TRABD2B: variants seen among roughly 807,000 people sequenced by gnomAD.
TRABD2B encodes the protein metalloprotease TIKI2.
A neutral mutation model predicts 40.1 loss-of-function variants in TRABD2B; 14 were observed. That is an observed-to-expected ratio of 0.35 (90% CI 0.23 to 0.55). The LOEUF (loss-of-function observed/expected upper bound fraction) is 0.55, where lower values mean the gene tolerates loss of function less well. TRABD2B is among the 20% of genes least tolerant of loss of function. The pLI, the probability that TRABD2B is intolerant of heterozygous loss-of-function variation, is 0.90. For synonymous variants in TRABD2B, 263 were observed against 277.0 expected (o/e 0.95, Z 0.50); for missense variants, 541 against 648.6 (o/e 0.83, Z 1.80).
At chr1:47,919,229 A>C (rs935096950) in intron 2 of TRABD2B, among the ~76,000 whole-genome samples, 1 of 152,262 alleles carries the variant, frequency 6.6e-6, no homozygotes, top group Non-Finnish European at 1.5e-5. Context: ...AGGGAAGTAA[A>C]TAAATGTACA....
At chr1:47,901,227 A>C (rs1021854233) in intron 2 of TRABD2B, among the ~76,000 whole-genome samples, 2 of 152,210 alleles carry the variant, frequency 1.3e-5, no homozygotes, top group East Asian at 1.9e-4. Flanking sequence ...AACAATTTGC[A>C]AGAGTCACCA....
intron 2 of TRABD2B, among the ~76,000 whole-genome samples, chr1:47,918,199 G>A (rs1360348225): frequency 6.6e-6 from 1 of 152,198 alleles, no homozygotes; most frequent in Non-Finnish European, 1.5e-5. Flanking sequence ...GAAGGCAAGG[G>A]TTCACCTGTC....
At chr1:47,922,244 GTGGTTACTTGC>G (rs1246602406) in intron 2 of TRABD2B, among the ~76,000 whole-genome samples, 2 of 152,216 alleles carry the variant, frequency 1.3e-5, no homozygotes, top group African/African-American at 4.8e-5. Flanking sequence ...GCCATGGAGA[GTGGTTACTTGC>G]TATCTCTACC....
chr1:47,864,476 A>C (rs58475625), intron 2 of TRABD2B, among the ~76,000 whole-genome samples: 2 of 151,956 alleles, frequency 1.3e-5, no homozygotes, highest in South Asian at 4.1e-4. Context: ...AAAAAAAAAA[A>C]AGTCTTACAA....
chr1:47,908,748 G>T (rs1044064104), intron 2 of TRABD2B, among the ~76,000 whole-genome samples: 29 of 152,360 alleles, frequency 1.9e-4, no homozygotes, highest in Admixed American at 1.5e-3. Flanking sequence ...TCCCATCTGG[G>T]AGGCAGCAGG....
At chr1:47,863,659 CA>C (rs1192967959) in intron 2 of TRABD2B, among the ~76,000 whole-genome samples, 1 of 151,986 alleles carries the variant, frequency 6.6e-6, no homozygotes, top group African/African-American at 2.4e-5. Context: ...TGATGGGAAG[CA>C]AAATGGTACA....
intron 2 of TRABD2B, among the ~76,000 whole-genome samples, chr1:47,853,684 C>T (rs985003842): frequency 2.0e-5 from 3 of 152,172 alleles, no homozygotes; most frequent in African/African-American, 7.2e-5. Flanking sequence ...TCCATCCATC[C>T]ACCTATCCAC....
chr1:47,921,692 T>A (rs1035977615), intron 2 of TRABD2B, among the ~76,000 whole-genome samples: 1 of 152,214 alleles, frequency 6.6e-6, no homozygotes, highest in African/African-American at 2.4e-5. Context: ...GAACTTTTAT[T>A]TACAAAGCAC....
At chr1:47,971,151 T>A (rs1287474484) in intron 2 of TRABD2B, among the ~76,000 whole-genome samples, 1 of 152,178 alleles carries the variant, frequency 6.6e-6, no homozygotes, top group African/African-American at 2.4e-5. Context: ...TAGGTACACA[T>A]CCTACTTTCT....
At chr1:47,905,491 G>A (rs1644663964) in intron 2 of TRABD2B, among the ~76,000 whole-genome samples, 1 of 152,138 alleles carries the variant, frequency 6.6e-6, no homozygotes, top group African/African-American at 2.4e-5. Flanking sequence ...ATCCCACTCA[G>A]CAGAAATAAA....
chr1:47,953,551 C>G (rs112297251), intron 2 of TRABD2B, among the ~76,000 whole-genome samples: 1 of 152,156 alleles, frequency 6.6e-6, no homozygotes, highest in African/African-American at 2.4e-5. Context: ...CTTACAGAGG[C>G]CTCCGGGGCA....
chr1:47,815,958 G>GTAACAAGCATAT, intron 2 of TRABD2B, among the ~76,000 whole-genome samples: 1 of 152,178 alleles, frequency 6.6e-6, no homozygotes, highest in East Asian at 1.9e-4. Context: ...GTTTGTTCTT[G>GTAACAAGCATAT]GTCAGGTGCT....
chr1:47,845,185 C>T (rs111897258), intron 2 of TRABD2B, among the ~76,000 whole-genome samples: 3 of 152,242 alleles, frequency 2.0e-5, no homozygotes, highest in South Asian at 2.1e-4. Flanking sequence ...CTCACCTTCC[C>T]ACCCCTTTTT....
chr1:47,866,944 C>T (rs559462286), intron 2 of TRABD2B, among the ~76,000 whole-genome samples: 3 of 152,330 alleles, frequency 2.0e-5, no homozygotes, highest in Admixed American at 1.3e-4. Context: ...CCTCCATTCT[C>T]AGGCCCTGTC....
intron 2 of TRABD2B, among the ~76,000 whole-genome samples, chr1:47,881,399 C>T (rs1644301980): frequency 6.6e-6 from 1 of 152,144 alleles, no homozygotes; most frequent in Non-Finnish European, 1.5e-5. Flanking sequence ...AGAATAATAC[C>T]AGTTAATGTT....
chr1:47,825,996 GT>G (rs2124428858), intron 2 of TRABD2B, among the ~76,000 whole-genome samples: 1 of 152,316 alleles, frequency 6.6e-6, no homozygotes, highest in East Asian at 1.9e-4. Flanking sequence ...GACCAGGTCT[GT>G]TTCCTCACCA....
chr1:47,897,309 A>T (rs1453921830), intron 2 of TRABD2B, among the ~76,000 whole-genome samples: 1 of 152,150 alleles, frequency 6.6e-6, no homozygotes, highest in Non-Finnish European at 1.5e-5. Context: ...AGACGATCAG[A>T]GAGGAAGCGA....
chr1:47,785,030 G>A (rs1331620672), intron 4 of TRABD2B, among the ~76,000 whole-genome samples: 1 of 152,184 alleles, frequency 6.6e-6, no homozygotes, highest in Non-Finnish European at 1.5e-5. Context: ...GGAGTGAGAG[G>A]AAGAGAGGAG....
At chr1:47,788,858 G>C in intron 4 of TRABD2B, among the ~76,000 whole-genome samples, 1 of 152,110 alleles carries the variant, frequency 6.6e-6, no homozygotes, top group East Asian at 1.9e-4. Flanking sequence ...CCTGAGTCCG[G>C]CTCATGTCTC....
Sources: gnomAD v4.1 joint callset for allele counts (sites outside exome capture counted in the v4.1 genomes callset) on GRCh38, gnomAD v4.1.1 for gene constraint, MANE v1.5 for transcripts, NCBI Gene and HGNC (gene_info 2026-07-23, HGNC 2026-07-21) for gene names.